TRAIP: variants seen among roughly 807,000 people sequenced by gnomAD.
TRAIP encodes E3 ubiquitin-protein ligase TRAIP.
In TRAIP, 37 loss-of-function variants were observed where a neutral mutation model predicts 65.0. That is an observed-to-expected ratio of 0.57 (90% confidence interval 0.44 to 0.75). The LOEUF is 0.75. TRAIP is among the 30% of genes least tolerant of loss of function. The pLI, the probability that TRAIP is intolerant of heterozygous loss-of-function variation, is 0.00. For missense variants in TRAIP, 481 were observed against 579.4 expected, an observed-to-expected ratio of 0.83 and a Z score of 1.74; for synonymous variants, 187 against 219.1, an observed-to-expected ratio of 0.85 and a Z score of 1.29.
Position 49,828,895 on chromosome 3 carries a change from G to T in TRAIP, c.*208C>A. 3.2e-6 allele frequency: 2 copies of T among 617,164 alleles called. No individual in the cohort carries two copies. The highest frequency in any genetic ancestry group is 5.7e-6 in the Non-Finnish European group (2 of 351,922). 38.2% of individuals were successfully genotyped at this position (617,164 alleles called of 1,614,324 possible). On this transcript the variant is annotated 3_prime_UTR_variant, in exon 15 of 15. Coordinates refer to ENST00000331456, the MANE Select transcript of TRAIP (RefSeq NM_005879.3). The stretch of plus-strand genomic sequence containing the variant: ...ACCTGCTGACAGGATCAGTGGGCTG[G>T]TCATGTCAGCTCCCAGTCGTAGGAG...
chr3:49,849,243 T>G (rs2081911228), intron 1 of TRAIP, among the ~76,000 whole-genome samples: 1 of 151,476 alleles, frequency 6.6e-6, no homozygotes, highest in Admixed American at 6.6e-5. Flanking sequence ...CTCCTGAGCT[T>G]AAGTGCTCCT....
chr3:49,846,872 C>G (rs1398088664), intron 3 of TRAIP, among the ~76,000 whole-genome samples: 1 of 152,084 alleles, frequency 6.6e-6, no homozygotes, highest in Non-Finnish European at 1.5e-5. Flanking sequence ...GGCCCTATCT[C>G]TATAAAAATT....
intron 10 of TRAIP, among the ~76,000 whole-genome samples, chr3:49,833,483 C>CT (rs113973983): frequency 0.17 from 24,234 of 143,770 alleles, 2,183 homozygotes; most frequent in Middle Eastern, 0.25. Context: ...TAGACTGTTT[C>CT]TTTTTTTTTT....
intron 6 of TRAIP, among the ~76,000 whole-genome samples, 164 bp from the exon 7 acceptor site, chr3:49,842,103 G>A (rs147754344): frequency 3.2e-4 from 49 of 152,346 alleles, no homozygotes; most frequent in Admixed American, 2.6e-3. Flanking sequence ...TGGCAGAGAT[G>A]AGCATAGCTC....
At chr3:49,839,661 G>A in intron 10 of TRAIP, 111 bp downstream of exon 10, 1 of 990,444 alleles carries the variant, frequency 1.0e-6, no homozygotes, top group Non-Finnish European at 1.6e-6. Flanking sequence ...GCTGTCTGCA[G>A]ACATCAGGTC....
At chr3:49,841,387 G>C (rs181633428) in intron 7 of TRAIP, among the ~76,000 whole-genome samples, 43 of 152,326 alleles carry the variant, frequency 2.8e-4, no homozygotes, top group African/African-American at 9.9e-4. Context: ...ATGCCTCTCA[G>C]CTAAGTGGCC....
chr3:49,856,227 GCCT>G, intron 1 of TRAIP, 126 bp downstream of exon 1: 1 of 765,548 alleles, frequency 1.3e-6, no homozygotes, highest in Non-Finnish European at 2.1e-6. Flanking sequence ...CTCCCGTGGG[GCCT>G]CGTCTAGGAG....
rs866944120 is a variant in TRAIP at position 49,847,417 on chromosome 3, G to A, written c.240+108C>T. On this transcript the variant is annotated intron_variant, in intron 3 of 14. Coordinates refer to ENST00000331456, the MANE Select transcript of TRAIP (RefSeq NM_005879.3). ...AAAGAAAAGAAAAGAAAAGAAAAGA[G>A]AAAAGAGAAGAGAAGAGAAGAGAAG... The A allele has an allele frequency of 1.2e-3, 869 of 744,474 alleles. 9 individuals are homozygous for A. The African/African-American group carries it at 0.015, about 13-fold the overall frequency. The allele number at this position is 744,474 out of a possible 1,614,324, so 46.1% of individuals were successfully genotyped here.
At position 49,832,100 on chromosome 3, in the gene TRAIP, C is replaced by A. The variant is rs1167285709; in HGVS notation, c.885-32G>T. The A allele has an allele frequency of 3.2e-6, 5 of 1,546,746 alleles. No homozygotes were observed. The Admixed American group carries it at 7.6e-5, about 24-fold the overall frequency. ...GCAGAGATGACCTGGTTACTTGGGG[C>A]CACAGTGGTAACCCAGGACAACAGC... On this transcript the variant is annotated intron_variant, in intron 10 of 14. Transcript: ENST00000331456.
chr3:49,841,811 G>T lies in TRAIP; in HGVS notation c.617+15C>A. On this transcript the variant is annotated intron_variant, in intron 7 of 14. Transcript: ENST00000331456. ...CCTATCTCCTGTGTTTGCTGAGAGG[G>T]GCCACAGTACGCACTTCTTGAGAGA... The T allele has an allele frequency of 6.2e-7, 1 of 1,605,562 alleles. No individual in the cohort carries two copies. The highest frequency in any genetic ancestry group is 1.1e-5 in the South Asian group (1 of 90,890).
At chr3:49,838,282 T>C (rs1174376005) in intron 10 of TRAIP, among the ~76,000 whole-genome samples, 2 of 152,244 alleles carry the variant, frequency 1.3e-5, no homozygotes, top group African/African-American at 4.8e-5. Context: ...TTGTCAAGTT[T>C]AGTGTCCTGC....
chr3:49,842,340 A>G, intron 6 of TRAIP, 113 bp downstream of exon 6: 1 of 1,037,698 alleles, frequency 9.6e-7, no homozygotes, highest in Non-Finnish European at 1.5e-6. Flanking sequence ...TGGCCTATGG[A>G]GATTTGAGCC....
intron 3 of TRAIP, among the ~76,000 whole-genome samples, chr3:49,844,897 A>G (rs1052808307): frequency 5.9e-5 from 9 of 152,352 alleles, no homozygotes; most frequent in Admixed American, 2.0e-4. Flanking sequence ...AGAAGTTTCT[A>G]TCACTTCCTT....
intron 1 of TRAIP, among the ~76,000 whole-genome samples, chr3:49,856,107 T>A (rs1021713480): frequency 6.6e-6 from 1 of 152,332 alleles, no homozygotes; most frequent in Non-Finnish European, 1.5e-5. Context: ...GTATAGGTGA[T>A]CAAGGAAGCA....
At chr3:49,836,400 G>A (rs2081786696) in intron 10 of TRAIP, among the ~76,000 whole-genome samples, 1 of 152,048 alleles carries the variant, frequency 6.6e-6, no homozygotes, top group Non-Finnish European at 1.5e-5. Context: ...GTTGAGGCAG[G>A]AGAATCTCTT....
At chr3:49,837,902 A>C (rs1422006499) in intron 10 of TRAIP, among the ~76,000 whole-genome samples, 1 of 134,536 alleles carries the variant, frequency 7.4e-6, no homozygotes, top group East Asian at 2.2e-4. Flanking sequence ...TTTCCAAGAG[A>C]GACGGGGTCT....
In TRAIP at chr3:49,842,494, C is replaced by A. The variant is rs1559449127; in HGVS notation, c.462G>T (p.Glu154Asp). Reference sequence around the variant, plus strand: ...TCTTGCTCCTGAGCCGGCGGGCCTCCTCTTGTGCTTGTTTGGTCTCATCCT... The same window carrying A: ...TCTTGCTCCTGAGCCGGCGGGCCTCATCTTGTGCTTGTTTGGTCTCATCCT... ...QQQDETKQAQ[E>D]EARRLRSKMK... Residue 154 changes from glutamate to aspartate, a missense_variant, in exon 6 of 15, where the codon GAG becomes GAT. Coordinates refer to ENST00000331456, the MANE Select transcript of TRAIP (RefSeq NM_005879.3). 4 of 1,613,926 alleles carry A rather than the reference C, an allele frequency of 2.5e-6. No homozygotes were observed. The highest frequency in any genetic ancestry group is 3.4e-6 in the Non-Finnish European group (4 of 1,180,016).
At chr3:49,855,050 T>A (rs1575402183) in intron 1 of TRAIP, among the ~76,000 whole-genome samples, 1 of 150,350 alleles carries the variant, frequency 6.7e-6, no homozygotes, top group South Asian at 2.1e-4. Context: ...TGTAACAGAG[T>A]GAGACCCTGT....
intron 6 of TRAIP, 110 bp from the exon 7 acceptor site, chr3:49,842,049 G>T: frequency 1.2e-6 from 1 of 849,170 alleles, no homozygotes; most frequent in Non-Finnish European, 1.9e-6. Flanking sequence ...AGGCTAGGCT[G>T]CCAGGATGCT....
Sources: allele counts gnomAD v4.1 joint callset (sites outside exome capture counted in the v4.1 genomes callset), GRCh38; gene constraint gnomAD v4.1.1; transcripts MANE v1.5; gene names NCBI Gene and HGNC (gene_info 2026-07-23, HGNC 2026-07-21).